The following THSD7A variants were observed in gnomAD, a reference collection of about 807,000 sequenced individuals.
THSD7A encodes the protein thrombospondin type-1 domain-containing protein 7A.
THSD7A carries 96 observed loss-of-function variants against 231.3 expected under a neutral mutation model. The observed-to-expected ratio is 0.41, with a 90% CI of 0.35 to 0.49. The LOEUF is 0.49. Among genes scored for constraint, THSD7A ranks in the 20% least tolerant of loss-of-function variants. The pLI, the probability that THSD7A is intolerant of heterozygous loss-of-function variation, is 0.05. For missense variants in THSD7A, 2,290 were observed against 2,070.2 expected, an observed-to-expected ratio of 1.11 and a Z score of -2.06; for synonymous variants, 940 against 743.3, an observed-to-expected ratio of 1.26 and a Z score of -4.30.
intron 11 of THSD7A, among the ~76,000 whole-genome samples, chr7:11,459,948 A>G (rs1308944429): frequency 1.3e-5 from 2 of 152,126 alleles, no homozygotes; most frequent in African/African-American, 4.8e-5. Context: ...CTATAAGTCA[A>G]TATGAGTAAA....
chr7:11,593,609 G>A, intron 2 of THSD7A, 107 bp from the exon 3 acceptor site: 1 of 1,379,552 alleles, frequency 7.2e-7, no homozygotes, highest in East Asian at 2.3e-5. Flanking sequence ...TCTACTTGGA[G>A]GTGTGATTCC....
intron 1 of THSD7A, among the ~76,000 whole-genome samples, chr7:11,740,363 G>T (rs1782070209): frequency 6.6e-6 from 1 of 151,916 alleles, no homozygotes; most frequent in Admixed American, 6.6e-5. Flanking sequence ...TATCTACATT[G>T]CACAGTGATC....
intron 4 of THSD7A, among the ~76,000 whole-genome samples, chr7:11,585,891 A>G (rs1474740574): frequency 6.6e-6 from 1 of 152,156 alleles, no homozygotes; most frequent in Non-Finnish European, 1.5e-5. Flanking sequence ...ACATGGGAGG[A>G]ACATGCAGAC....
At chr7:11,543,825 T>TA (rs1789255825) in intron 4 of THSD7A, among the ~76,000 whole-genome samples, 1 of 152,196 alleles carries the variant, frequency 6.6e-6, no homozygotes, top group South Asian at 2.1e-4. Flanking sequence ...TTGTTTTTTT[T>TA]ATGCCTGCAG....
Position 11,636,976 on chromosome 7 carries a change from A to G in THSD7A, c.191-15T>C, listed in dbSNP as rs1424660458. ...GCCCCATGGACCTACAAAAATTATA[A>G]CACAAAAATTAGCAGTGCTACTAGA... On this transcript the variant is annotated splice_polypyrimidine_tract_variant and intron_variant, in intron 1 of 27. Coordinates refer to ENST00000423059, the MANE Select transcript of THSD7A (RefSeq NM_015204.3). This position sits in a 1 kb window ranked among gnomAD's most constrained non-coding sequence, Gnocchi z 10.0. 2.5e-6 allele frequency: 4 copies of G among 1,587,234 alleles called. No homozygotes were observed. The highest frequency in any genetic ancestry group is 3.4e-6 in the Non-Finnish European group (4 of 1,169,736).
At chr7:11,570,032 C>T (rs1329605778) in intron 4 of THSD7A, among the ~76,000 whole-genome samples, 1 of 151,940 alleles carries the variant, frequency 6.6e-6, no homozygotes, top group Non-Finnish European at 1.5e-5. Flanking sequence ...ATTAACTAGG[C>T]ATGGTAGTGT....
chr7:11,430,485 A>T (rs1306376890), intron 13 of THSD7A, among the ~76,000 whole-genome samples: 1 of 151,916 alleles, frequency 6.6e-6, no homozygotes, highest in Non-Finnish European at 1.5e-5. Context: ...TGTTTTAGAG[A>T]TGTCTCACTC....
chr7:11,789,843 C>T lies in THSD7A; in HGVS notation c.190+41914G>A, dbSNP rs1051466480. Among the ~76,000 whole-genome samples the T allele has an allele frequency of 2.0e-5, 3 of 151,988 alleles. No individual in the cohort carries two copies. The East Asian group carries it at 5.8e-4, about 30-fold the overall frequency. ...TTTTGGCACTGGATGCATAATAACT[C>T]CTTTGGGTGCACTTCTTCCTAAGTA... On this transcript the variant is annotated intron_variant, in intron 1 of 27. Transcript: ENST00000423059.
chr7:11,644,164 G>A (rs891581434), intron 1 of THSD7A, among the ~76,000 whole-genome samples: 1 of 151,406 alleles, frequency 6.6e-6, no homozygotes, highest in African/African-American at 2.4e-5. Flanking sequence ...TTTCAGCATC[G>A]AAACATCTTT....
intron 8 of THSD7A, among the ~76,000 whole-genome samples, chr7:11,471,486 T>C (rs1785935902): frequency 6.6e-6 from 1 of 152,028 alleles, no homozygotes; most frequent in Non-Finnish European, 1.5e-5. Flanking sequence ...ATATCTTGTA[T>C]TATAAGTATT....
At chr7:11,760,981 T>C (rs181066756) in intron 1 of THSD7A, among the ~76,000 whole-genome samples, 153 of 148,278 alleles carry the variant, frequency 1.0e-3, no homozygotes, top group African/African-American at 3.3e-3. Context: ...TATATTTATA[T>C]ATAATTATAA....
intron 14 of THSD7A, among the ~76,000 whole-genome samples, chr7:11,427,916 A>G (rs1053050923): frequency 6.6e-6 from 1 of 152,180 alleles, no homozygotes; most frequent in African/African-American, 2.4e-5. Flanking sequence ...AGATAAAATC[A>G]GCAACTTCAC....
At chr7:11,825,082 C>T (rs951671603) in intron 1 of THSD7A, among the ~76,000 whole-genome samples, 103 of 151,786 alleles carry the variant, frequency 6.8e-4, no homozygotes, top group African/African-American at 2.4e-3. Flanking sequence ...TTCATGCTGT[C>T]CTTTAGTTGG....
chr7:11,815,398 C>T (rs865943826), intron 1 of THSD7A, among the ~76,000 whole-genome samples: 1 of 152,038 alleles, frequency 6.6e-6, no homozygotes, highest in African/African-American at 2.4e-5. Context: ...GCCTCATCTA[C>T]TCCCCTCATT....
At chr7:11,456,450 A>G (rs973153383) in intron 11 of THSD7A, among the ~76,000 whole-genome samples, 2 of 152,048 alleles carry the variant, frequency 1.3e-5, no homozygotes, top group African/African-American at 4.8e-5. Context: ...AAAATCTACT[A>G]CTTTCATAAC....
At position 11,636,784 on chromosome 7, in the gene THSD7A, T is replaced by A; in HGVS notation, c.368A>T (p.Asp123Val). The A allele has an allele frequency of 6.2e-7, 1 of 1,613,942 alleles. No homozygotes were observed. Among genetic ancestry groups the A allele is most frequent in the Non-Finnish European group, 8.5e-7 (1 of 1,179,880 alleles). ...KVCDWHKELYDWRLGPWNQCQ... is the reference protein window; with the variant it reads ...KVCDWHKELYVWRLGPWNQCQ... Reference sequence around the variant, plus strand: ...CTGATTCCAAGGTCCCAGTCTCCAGTCGTACAACTCTTTGTGCCAATCGCA... The same window carrying A: ...CTGATTCCAAGGTCCCAGTCTCCAGACGTACAACTCTTTGTGCCAATCGCA... The change falls in exon 2 of 28, where the codon GAC becomes GTC. Residue 123 changes from aspartate (D) to valine (V), a missense_variant. By Grantham distance (152) the Asp-to-Val change is radical (BLOSUM62 -3). Coordinates refer to ENST00000423059, the MANE Select transcript of THSD7A (RefSeq NM_015204.3). The surrounding 1 kb of genome is among the most constrained non-coding windows in gnomAD (Gnocchi z 10.0).
Position 11,591,577 on chromosome 7 carries a change from C to G in THSD7A, c.1272-936G>C, listed in dbSNP as rs1257804994. On this transcript the variant is annotated intron_variant, in intron 3 of 27. Transcript: ENST00000423059. ...GTTAAACGGCCCTCAGATGTCTAAT[C>G]TAGATGCTTCACTCTGTCAGTGGTA... is the stretch of plus-strand genomic sequence containing the variant. Among the ~76,000 whole-genome samples, 3 of 152,268 alleles carry G rather than the reference C, an allele frequency of 2.0e-5. No individual in the cohort carries two copies. The East Asian group carries it at 5.8e-4, about 29-fold the overall frequency.
chr7:11,495,210 T>C (rs1787050097), intron 6 of THSD7A, among the ~76,000 whole-genome samples: 1 of 152,076 alleles, frequency 6.6e-6, no homozygotes. Flanking sequence ...TTAAATTTCA[T>C]CTGATTTATA....
intron 1 of THSD7A, among the ~76,000 whole-genome samples, chr7:11,645,119 T>G (rs1166187050): frequency 1.3e-5 from 2 of 151,930 alleles, no homozygotes; most frequent in African/African-American, 4.8e-5. Context: ...GTTATTATAA[T>G]ATTTTCTTTT....
Sources: allele counts gnomAD v4.1 joint callset (sites outside exome capture counted in the v4.1 genomes callset), GRCh38; gene constraint gnomAD v4.1.1; non-coding constraint Gnocchi (gnomAD v3.1); transcripts MANE v1.5; gene names NCBI Gene and HGNC (gene_info 2026-07-23, HGNC 2026-07-21).